Variants in TK2 observed in about 807,000 individuals in gnomAD.
The protein encoded by TK2 is thymidine kinase 2, mitochondrial.
A neutral mutation model predicts 41.9 loss-of-function variants in TK2; 35 were observed. That is an observed-to-expected ratio of 0.84 (90% CI 0.64 to 1.11). The LOEUF (loss-of-function observed/expected upper bound fraction) is 1.11, where lower values mean the gene tolerates loss of function less well. Among genes scored for constraint, TK2 ranks in the 50% least tolerant of loss-of-function variants. The pLI, the probability that TK2 is intolerant of heterozygous loss-of-function variation, is 0.00. For missense variants in TK2, 320 were observed against 351.1 expected, an observed-to-expected ratio of 0.91 and a Z score of 0.71; for synonymous variants, 128 against 129.1, an observed-to-expected ratio of 0.99 and a Z score of 0.06.
rs1257381171 is a variant in TK2, at chr16:66,511,881, T to C, written c.*87A>G. 1.6e-6 allele frequency: 2 copies of C among 1,223,738 alleles called. No homozygotes were observed. Among genetic ancestry groups the C allele is most frequent in the Middle Eastern group, 1.8e-4 (1 of 5,408 alleles). 75.8% of individuals were successfully genotyped at this position (1,223,738 alleles called of 1,614,324 possible). On this transcript the variant is annotated 3_prime_UTR_variant, in exon 10 of 10. Coordinates refer to ENST00000544898, the MANE Select transcript of TK2 (RefSeq NM_004614.5). ...AAGCTGGCCAGACACAAAGCCCTCC[T>C]GGGAGCAAGTTTTTCCAGATTGCTC...
intron 8 of TK2, 90 bp from the exon 9 acceptor site, chr16:66,513,901 A>C: frequency 8.1e-6 from 9 of 1,112,928 alleles, no homozygotes; most frequent in African/African-American, 1.5e-5. Flanking sequence ...AAAGTAGTCA[A>C]TGACCATGGG....
At chr16:66,535,800 G>T (rs770966600) in intron 4 of TK2, among the ~76,000 whole-genome samples, 7 of 152,216 alleles carry the variant, frequency 4.6e-5, no homozygotes, top group Non-Finnish European at 1.0e-4. Context: ...GTGCTAGGCA[G>T]TGTGCCTTGG....
intron 6 of TK2, among the ~76,000 whole-genome samples, chr16:66,524,027 G>T (rs1222357654): frequency 6.6e-6 from 1 of 152,042 alleles, no homozygotes; most frequent in Non-Finnish European, 1.5e-5. Context: ...CCTGATTCTT[G>T]GCCTAGGAAT....
chr16:66,534,088 T>C (rs1175863240), intron 4 of TK2, among the ~76,000 whole-genome samples: 1 of 151,434 alleles, frequency 6.6e-6, no homozygotes. Flanking sequence ...ATTAATAGAT[T>C]AATGGGTTAT....
rs1026187752 is a variant in TK2, at chr16:66,509,437, T to G, written c.*2531A>C. 1 of 152,128 alleles carries G rather than the reference T, an allele frequency of 6.6e-6. No individual in the cohort carries two copies. Among genetic ancestry groups the G allele is most frequent in the Admixed American group, 6.5e-5 (1 of 15,274 alleles). 9.4% of individuals were successfully genotyped at this position (152,128 alleles called of 1,614,324 possible). A position where few individuals can be genotyped will look rare whatever the true frequency, so the allele number is the denominator to read the frequency against. On this transcript the variant is annotated 3_prime_UTR_variant, in exon 10 of 10. Coordinates refer to ENST00000544898, the MANE Select transcript of TK2 (RefSeq NM_004614.5). ...TAGTTTCCAAAAAAAACCAGGTACA[T>G]AAGGTATTTTTAAATGGTTATAATC... is the stretch of plus-strand genomic sequence containing the variant.
At position 66,517,188 on chromosome 16, in the gene TK2, C is replaced by G; in HGVS notation, c.566G>C (p.Cys189Ser). The change falls in exon 8 of 10, where the codon TGT becomes TCT. Residue 189 changes from cysteine (C) to serine (S), a missense_variant. Coordinates refer to ENST00000544898, the MANE Select transcript of TK2 (RefSeq NM_004614.5). This position sits in a 1 kb window ranked among gnomAD's most constrained non-coding sequence, Gnocchi z 4.3. ...GCATCTCTTCTTTAACCTCTGGTAA[C>G]AAGTCTCAGGATTGGTCCGAAGGTA... ...IVYLRTNPET[C>S]YQRLKKRCRE... 6.2e-7 allele frequency: 1 copy of G among 1,614,160 alleles called. No individual in the cohort carries two copies. The highest frequency in any genetic ancestry group is 1.1e-5 in the South Asian group (1 of 91,088).
At position 66,529,005 on chromosome 16, in the gene TK2, GT is replaced by G; in HGVS notation, c.437del (p.Asn146ThrfsTer14). The G allele has an allele frequency of 6.2e-7, 1 of 1,614,006 alleles. No homozygotes were observed. The highest frequency in any genetic ancestry group is 8.5e-7 in the Non-Finnish European group (1 of 1,179,986). ...TCAAACTACAGTACCTTCTATACAG[GT>G]TTTCTACAAAAATGTATCTTGCGCT... Reference protein sequence around the residue: ...IHSARYIFVENLYRSGKMPEV... With the variant: ...IHSARYIFVEXLYRSGKMPEV... On this transcript the variant is annotated frameshift_variant, in exon 6 of 10. Coordinates refer to ENST00000544898, the MANE Select transcript of TK2 (RefSeq NM_004614.5). LOFTEE classifies it high-confidence loss of function.
At chr16:66,544,965 T>C (rs1965560631) in intron 2 of TK2, among the ~76,000 whole-genome samples, 1 of 151,878 alleles carries the variant, frequency 6.6e-6, no homozygotes, top group South Asian at 2.1e-4. Context: ...CGGATGCCTG[T>C]AATCCCAGCT....
At chr16:66,548,858 A>C in intron 2 of TK2, 120 bp downstream of exon 2, 3 of 921,482 alleles carry the variant, frequency 3.3e-6, no homozygotes, top group Non-Finnish European at 3.5e-6. Flanking sequence ...CTCCCTGGAG[A>C]TCCTCTTGTA....
At position 66,511,553 on chromosome 16, in the gene TK2, A is replaced by C. The variant is rs980124134; in HGVS notation, c.*415T>G. 6.1e-6 allele frequency: 2 copies of C among 330,118 alleles called. No individual in the cohort carries two copies. The highest frequency in any genetic ancestry group is 1.2e-5 in the Non-Finnish European group (2 of 169,402). The allele number at this position is 330,118 out of a possible 1,614,324, so 20.4% of individuals were successfully genotyped here. On this transcript the variant is annotated 3_prime_UTR_variant, in exon 10 of 10. Coordinates refer to ENST00000544898, the MANE Select transcript of TK2 (RefSeq NM_004614.5). Reference sequence around the variant, plus strand: ...CTGTGTGACCTCTGGGGAGCCCCTCAACCTTTCTGAGCTTCAAATTCCTCA... The same window carrying C: ...CTGTGTGACCTCTGGGGAGCCCCTCCACCTTTCTGAGCTTCAAATTCCTCA...
intron 2 of TK2, among the ~76,000 whole-genome samples, chr16:66,545,824 A>G (rs1965590481): frequency 6.6e-6 from 1 of 151,734 alleles, no homozygotes; most frequent in East Asian, 1.9e-4. Context: ...ACTCCATCTC[A>G]AAAAAGAAAA....
intron 4 of TK2, among the ~76,000 whole-genome samples, chr16:66,536,745 G>A (rs542726736): frequency 3.2e-4 from 48 of 152,066 alleles, no homozygotes; most frequent in Non-Finnish European, 6.5e-4. Flanking sequence ...GATAGCTGAC[G>A]GGAAGTCCCT....
In TK2 at chr16:66,517,725, C is replaced by G; in HGVS notation, c.538+64G>C. 6.5e-7 allele frequency: 1 copy of G among 1,531,510 alleles called. No homozygotes were observed. Among genetic ancestry groups the G allele is most frequent in the Non-Finnish European group, 9.1e-7 (1 of 1,104,796 alleles). The allele number at this position is 1,531,510 out of a possible 1,614,324, so 94.9% of individuals were successfully genotyped here. On this transcript the variant is annotated intron_variant, in intron 7 of 9. Transcript: ENST00000544898. This position sits in a 1 kb window ranked among gnomAD's most constrained non-coding sequence, Gnocchi z 4.3. ...CTGCCCCCAAGGGTTGGGGCCCAGCCAAGCACATCCTCAAGGGACCCAGGA... is the reference window on the plus strand; with the variant it reads ...CTGCCCCCAAGGGTTGGGGCCCAGCGAAGCACATCCTCAAGGGACCCAGGA...
At chr16:66,549,677 C>A in intron 1 of TK2, 1 of 1,227,278 alleles carries the variant, frequency 8.1e-7, no homozygotes, top group Non-Finnish European at 1.0e-6. Context: ...CGAGTTTGGG[C>A]CGGAATGTTC....
chr16:66,533,535 G>C (rs1965183979), intron 4 of TK2, among the ~76,000 whole-genome samples: 2 of 151,782 alleles, frequency 1.3e-5, no homozygotes, highest in Non-Finnish European at 2.9e-5. Context: ...GGGTGATATA[G>C]CAAGACCCTA....
chr16:66,540,191 G>A (rs999639639), intron 3 of TK2, among the ~76,000 whole-genome samples: 2 of 42,926 alleles, frequency 4.7e-5, no homozygotes, highest in African/African-American at 1.8e-4. Flanking sequence ...TTTTTTTTTT[G>A]AGACAGGGCC....
chr16:66,550,242 A>G (rs1421907292), upstream of TK2: 5 of 1,605,446 alleles, frequency 3.1e-6, no homozygotes, highest in East Asian at 6.7e-5. Context: ...GCTGGCAGCC[A>G]GAAGCCTTAC....
rs908021816 is a variant in TK2, at chr16:66,541,192, A to T, written c.231+687T>A. ...TTGGCTTGGGTCCCATCCTCAAGAT[A>T]TCTCATTACATTTATGCAAATATTC... On this transcript the variant is annotated intron_variant, in intron 3 of 9. Transcript: ENST00000544898. 2.0e-5 allele frequency among the ~76,000 whole-genome samples: 3 copies of T among 152,364 alleles called. No individual in the cohort carries two copies. In the East Asian group the frequency reaches 5.8e-4, roughly 29 times the overall value.
chr16:66,524,851 C>G (rs1471040536), intron 6 of TK2: 1 of 152,284 alleles, frequency 6.6e-6, no homozygotes, highest in Non-Finnish European at 1.5e-5. Flanking sequence ...CCCCCTTGGG[C>G]TAGTACCTCA....
Sources: allele counts gnomAD v4.1 joint callset (sites outside exome capture counted in the v4.1 genomes callset), GRCh38; gene constraint gnomAD v4.1.1; non-coding constraint Gnocchi (gnomAD v3.1); transcripts MANE v1.5; gene names NCBI Gene and HGNC (gene_info 2026-07-23, HGNC 2026-07-21).